RAB8B: variants seen among roughly 807,000 people sequenced by gnomAD.
RAB8B encodes the protein ras-related protein Rab-8B.
A neutral mutation model predicts 32.0 loss-of-function variants in RAB8B; 11 were observed. The observed-to-expected ratio is 0.34, with a 90% CI of 0.22 to 0.57. RAB8B has a LOEUF of 0.57. Among genes scored for constraint, RAB8B ranks in the 20% least tolerant of loss-of-function variants. The pLI, the probability that RAB8B is intolerant of heterozygous loss-of-function variation, is 0.86. For missense variants in RAB8B, 190 were observed against 258.5 expected, an observed-to-expected ratio of 0.73 and a Z score of 1.82; for synonymous variants, 103 against 89.6, an observed-to-expected ratio of 1.15 and a Z score of -0.85.
At chr15:63,200,291 C>T (rs2037636648) in intron 1 of RAB8B, among the ~76,000 whole-genome samples, 1 of 152,096 alleles carries the variant, frequency 6.6e-6, no homozygotes, top group Non-Finnish European at 1.5e-5. Context: ...TTCAAACAAG[C>T]CTGTATTGAT....
chr15:63,249,301 C>T (rs969720813), intron 2 of RAB8B, among the ~76,000 whole-genome samples: 7 of 152,106 alleles, frequency 4.6e-5, no homozygotes, highest in Non-Finnish European at 8.8e-5. Flanking sequence ...ATAACTATCT[C>T]GGGGAGTCGA....
chr15:63,199,938 A>G (rs2037633824), intron 1 of RAB8B, among the ~76,000 whole-genome samples: 1 of 152,154 alleles, frequency 6.6e-6, no homozygotes, highest in South Asian at 2.1e-4. Context: ...ATCTTATTAT[A>G]TGATTTACCG....
At position 63,267,321 on chromosome 15, in the gene RAB8B, C is replaced by T. The variant is rs981951151; in HGVS notation, c.*3702C>T. 6 of 152,640 alleles carry T rather than the reference C, an allele frequency of 3.9e-5. No homozygotes were observed. Among genetic ancestry groups the T allele is most frequent in the East Asian group, 1.9e-4 (1 of 5,208 alleles). The allele number at this position is 152,640 out of a possible 1,614,324, so 9.5% of individuals were successfully genotyped here. A position where few individuals can be genotyped will look rare whatever the true frequency, so the allele number is the denominator to read the frequency against. The stretch of plus-strand genomic sequence containing the variant: ...AGATTTTACTTCATTTCTTGAAATG[C>T]GTGTGCCATATGCAATTGCATTTCT... On this transcript the variant is annotated 3_prime_UTR_variant, in exon 8 of 8. Transcript: ENST00000321437.
intron 1 of RAB8B, among the ~76,000 whole-genome samples, chr15:63,209,462 GC>G (rs2037728842): frequency 6.6e-6 from 1 of 151,850 alleles, no homozygotes; most frequent in South Asian, 2.1e-4. Context: ...GTAGTGGCAG[GC>G]ACCTGTAATC....
At chr15:63,220,620 T>C (rs992513418) in intron 1 of RAB8B, among the ~76,000 whole-genome samples, 1 of 152,202 alleles carries the variant, frequency 6.6e-6, no homozygotes, top group African/African-American at 2.4e-5. Context: ...CTTTTTTGTT[T>C]TATCACTTAA....
At chr15:63,227,809 G>C (rs1442132454) in intron 1 of RAB8B, among the ~76,000 whole-genome samples, 1 of 152,184 alleles carries the variant, frequency 6.6e-6, no homozygotes, top group African/African-American at 2.4e-5. Context: ...TTTGCCCTTT[G>C]TCTGTGTGGG....
chr15:63,259,531 C>T lies in RAB8B; in HGVS notation c.415-96C>T. ...AACCACAGGAGTTCTGAAATAGATA[C>T]CCTACCTTTGAGACTTTGAAAAACC... is the stretch of plus-strand genomic sequence containing the variant. On this transcript the variant is annotated intron_variant, in intron 5 of 7. Coordinates refer to ENST00000321437, the MANE Select transcript of RAB8B (RefSeq NM_016530.3). This position sits in a 1 kb window ranked among gnomAD's most constrained non-coding sequence, Gnocchi z 4.4. 9.7e-7 allele frequency: 1 copy of T among 1,028,224 alleles called. No homozygotes were observed. The allele number at this position is 1,028,224 out of a possible 1,614,324, so 63.7% of individuals were successfully genotyped here.
At chr15:63,219,080 C>T (rs1175338610) in intron 1 of RAB8B, among the ~76,000 whole-genome samples, 2 of 128,070 alleles carry the variant, frequency 1.6e-5, no homozygotes, top group Non-Finnish European at 3.1e-5. Flanking sequence ...GTGGGTAGAT[C>T]ACGAGGTCAG....
chr15:63,214,639 G>A (rs996159575), intron 1 of RAB8B, among the ~76,000 whole-genome samples: 7 of 152,048 alleles, frequency 4.6e-5, no homozygotes, highest in Non-Finnish European at 1.0e-4. Flanking sequence ...ATGCCCAACC[G>A]TTTCTAACAC....
At chr15:63,260,606 G>T (rs1342921106) in intron 6 of RAB8B, among the ~76,000 whole-genome samples, 2 of 151,758 alleles carry the variant, frequency 1.3e-5, no homozygotes, top group East Asian at 3.9e-4. Context: ...GATGGTTGCA[G>T]AAAACCACCA....
chr15:63,258,907 A>AGG (rs1471079409), intron 5 of RAB8B, among the ~76,000 whole-genome samples: 1 of 152,102 alleles, frequency 6.6e-6, no homozygotes, highest in African/African-American at 2.4e-5. Flanking sequence ...GAGGTTGCAA[A>AGG]GGGAGTAACC....
chr15:63,211,938 T>A (rs1309881530), intron 1 of RAB8B, among the ~76,000 whole-genome samples: 1 of 152,020 alleles, frequency 6.6e-6, no homozygotes, highest in Non-Finnish European at 1.5e-5. Flanking sequence ...CTCAGGTGAT[T>A]CTCCCACCTC....
In RAB8B at chr15:63,267,156, C is replaced by G. The variant is rs2197381; in HGVS notation, c.*3537C>G. ...GGATATGCTAAAATAATTTCAAATTCTAGCACAATTTTAGAGTAGAATAAG... is the reference window on the plus strand; with the variant it reads ...GGATATGCTAAAATAATTTCAAATTGTAGCACAATTTTAGAGTAGAATAAG... On this transcript the variant is annotated 3_prime_UTR_variant, in exon 8 of 8. Transcript: ENST00000321437. 6.6e-6 allele frequency: 1 copy of G among 152,398 alleles called. No homozygotes were observed. Among genetic ancestry groups the G allele is most frequent in the Non-Finnish European group, 1.5e-5 (1 of 68,010 alleles). 9.4% of individuals were successfully genotyped at this position (152,398 alleles called of 1,614,324 possible).
chr15:63,241,038 C>T (rs1276089608), intron 1 of RAB8B, among the ~76,000 whole-genome samples: 2 of 152,170 alleles, frequency 1.3e-5, no homozygotes, highest in Admixed American at 1.3e-4. Context: ...TATACATCGT[C>T]GTTTATTTAA....
chr15:63,222,475 T>C (rs1484759116), intron 1 of RAB8B, among the ~76,000 whole-genome samples: 1 of 152,220 alleles, frequency 6.6e-6, no homozygotes, highest in Non-Finnish European at 1.5e-5. Flanking sequence ...AACAACATTA[T>C]AGTGAATGAT....
intron 1 of RAB8B, among the ~76,000 whole-genome samples, chr15:63,191,717 G>A (rs1449073930): frequency 6.6e-6 from 1 of 152,196 alleles, no homozygotes; most frequent in Non-Finnish European, 1.5e-5. Context: ...CCTCCCAGAA[G>A]TATCTCCTGC....
intron 1 of RAB8B, among the ~76,000 whole-genome samples, chr15:63,213,273 TAGGTACTATTTC>T: frequency 6.6e-6 from 1 of 152,304 alleles, no homozygotes; most frequent in East Asian, 1.9e-4. Flanking sequence ...AAATGTCTTC[TAGGTACTATTTC>T]AGGTGGATAT....
intron 1 of RAB8B, among the ~76,000 whole-genome samples, chr15:63,244,051 A>G (rs1455802844): frequency 6.6e-6 from 1 of 152,210 alleles, no homozygotes; most frequent in Non-Finnish European, 1.5e-5. Flanking sequence ...CAGCTGTGAA[A>G]GGTCCCACCT....
intron 1 of RAB8B, among the ~76,000 whole-genome samples, chr15:63,210,334 A>G (rs1228869689): frequency 6.6e-6 from 1 of 152,226 alleles, no homozygotes; most frequent in Non-Finnish European, 1.5e-5. Flanking sequence ...TGAGAAAGCC[A>G]TCTTTGTGCT....
Sources: allele counts gnomAD v4.1 joint callset (sites outside exome capture counted in the v4.1 genomes callset), GRCh38; gene constraint gnomAD v4.1.1; non-coding constraint Gnocchi (gnomAD v3.1); transcripts MANE v1.5; gene names NCBI Gene and HGNC (gene_info 2026-07-23, HGNC 2026-07-21).